PNPLA4: variants seen among roughly 807,000 people sequenced by gnomAD.
PNPLA4 encodes the protein patatin like domain 4, phospholipase and triacylglycerol lipase.
A neutral mutation model predicts 18.3 loss-of-function variants in PNPLA4; 15 were observed. That is an observed-to-expected ratio of 0.82 (90% CI 0.55 to 1.26). PNPLA4 has a LOEUF of 1.26. Among genes scored for constraint, PNPLA4 ranks in the 50% most tolerant of loss-of-function variants. PNPLA4 has a pLI of 0.00. For synonymous variants in PNPLA4, 88 were observed against 85.6 expected, an observed-to-expected ratio of 1.03 and a Z score of -0.16; for missense variants, 229 against 196.8, an observed-to-expected ratio of 1.16 and a Z score of -0.98.
intron 4 of PNPLA4, 23 bp from the exon 5 acceptor site, chrX:7,912,116 C>T (rs765587524): frequency 8.8e-7 from 1 of 1,131,549 alleles, no homozygotes; most frequent in East Asian, 3.0e-5. Context: ...AATAAAGAAG[C>T]AGCTCATGAT....
chrX:7,902,297 C>A (rs1212338806), intron 5 of PNPLA4, among the ~76,000 whole-genome samples, 156 bp from the exon 6 acceptor site: 1 of 112,040 alleles, frequency 8.9e-6, no homozygotes, highest in Admixed American at 9.5e-5. Flanking sequence ...TAAAACAAAT[C>A]TTGGTACACA....
intron 1 of PNPLA4, among the ~76,000 whole-genome samples, chrX:7,926,794 C>A (rs894029025): frequency 3.6e-5 from 4 of 112,545 alleles, no homozygotes; most frequent in Admixed American, 9.4e-5. Flanking sequence ...CCACTTTATA[C>A]TTGGAACACA....
chrX:7,906,302 G>T (rs187650034), intron 5 of PNPLA4, among the ~76,000 whole-genome samples: 1 of 111,608 alleles, frequency 9.0e-6, no homozygotes, highest in African/African-American at 3.3e-5. Context: ...AGACAGATGA[G>T]ATTTTTTAAT....
chrX:7,920,867 A>G (rs1472131131), intron 4 of PNPLA4, among the ~76,000 whole-genome samples: 1 of 112,802 alleles, frequency 8.9e-6, no homozygotes, highest in Non-Finnish European at 1.9e-5. Flanking sequence ...ATTAGATTGA[A>G]AAGTTAGGAG....
chrX:7,903,714 A>G (rs1415678997), intron 5 of PNPLA4, among the ~76,000 whole-genome samples: 1 of 112,159 alleles, frequency 8.9e-6, no homozygotes, highest in Non-Finnish European at 1.9e-5. Context: ...TAAAAGATAA[A>G]AATGGGTTGA....
intron 5 of PNPLA4, among the ~76,000 whole-genome samples, chrX:7,906,271 T>C (rs1923702048): frequency 9.0e-6 from 1 of 111,715 alleles, no homozygotes; most frequent in Admixed American, 9.5e-5. Flanking sequence ...GTGAGAATCT[T>C]CCAATTACGG....
At chrX:7,917,298 T>C (rs1280666043) in intron 4 of PNPLA4, among the ~76,000 whole-genome samples, 2 of 112,337 alleles carry the variant, frequency 1.8e-5, no homozygotes, top group Non-Finnish European at 3.8e-5. Flanking sequence ...AATGATGAGC[T>C]GTAAAATCAG....
chrX:7,907,166 C>G (rs1179160), intron 5 of PNPLA4, among the ~76,000 whole-genome samples: 1 of 109,547 alleles, frequency 9.1e-6, no homozygotes, highest in Non-Finnish European at 1.9e-5. Context: ...TACAGGCATG[C>G]GCCACCATGC....
At position 7,903,560 on chromosome X, in the gene PNPLA4, A is replaced by C. The variant is rs553660731; in HGVS notation, c.478-1419T>G. Among the ~76,000 whole-genome samples the C allele has an allele frequency of 7.2e-5, 8 of 111,382 alleles. No individual in the cohort carries two copies. In the South Asian group the frequency reaches 3.0e-3, roughly 42 times the overall value. Reference sequence around the variant, plus strand: ...GTGATCTGCCCGCCTCGGCCTCCCAAAGTGCTGGGATTACAGGCATGAGTC... The same window carrying C: ...GTGATCTGCCCGCCTCGGCCTCCCACAGTGCTGGGATTACAGGCATGAGTC... On this transcript the variant is annotated intron_variant, in intron 5 of 6. Transcript: ENST00000381042.
Position 7,926,023 on chromosome X carries a change from C to G in PNPLA4, c.97G>C (p.Val33Leu). The G allele has an allele frequency of 3.3e-6, 4 of 1,211,873 alleles. No homozygotes were observed. The highest frequency in any genetic ancestry group is 4.5e-6 in the Non-Finnish European group (4 of 895,278). The change falls in exon 2 of 7, where the codon GTG (valine) becomes CTG (leucine). Residue 33 changes from valine (V) to leucine (L), a missense_variant. Transcript: ENST00000381042. ...SALCRHGKKL[V>L]KDVKAFAGAS... ...CCAGCGAAGGCTTTGACATCCTTCA[C>G]AAGTTTTTTGCCATGTCTGCAAAGT...
intron 4 of PNPLA4, among the ~76,000 whole-genome samples, chrX:7,915,724 A>C (rs2240585): frequency 0.028 from 3,087 of 112,173 alleles, 92 homozygotes; most frequent in Admixed American, 0.11. Flanking sequence ...TTAGGGATTA[A>C]ATTCTCAGCA....
chrX:7,922,192 A>C, intron 2 of PNPLA4, 94 bp from the exon 3 acceptor site: 7 of 607,327 alleles, frequency 1.2e-5, no homozygotes, highest in Non-Finnish European at 1.9e-5. Flanking sequence ...CCAACAGCAA[A>C]TGTAGGGTGT....
intron 5 of PNPLA4, among the ~76,000 whole-genome samples, chrX:7,905,308 C>T (rs995433886): frequency 1.8e-5 from 2 of 112,588 alleles, no homozygotes; most frequent in South Asian, 7.3e-4. Flanking sequence ...TCGCTTTAGA[C>T]ATTCATGTGT....
intron 5 of PNPLA4, among the ~76,000 whole-genome samples, chrX:7,903,272 GTGTTTATT>G (rs1569103214): frequency 1.2e-5 from 1 of 80,499 alleles, no homozygotes; most frequent in Non-Finnish European, 2.4e-5. Context: ...TGTCCTTCTT[GTGTTTATT>G]TATTTATTTA....
At position 7,921,841 on chromosome X, in the gene PNPLA4, T is replaced by A; in HGVS notation, c.283A>T (p.Met95Leu). The A allele has an allele frequency of 3.3e-6, 4 of 1,208,003 alleles. No homozygotes were observed. The highest frequency in any genetic ancestry group is 3.4e-6 in the Non-Finnish European group (3 of 892,772). The change falls in exon 4 of 7, where the codon ATG (methionine) becomes TTG (leucine). Residue 95 changes from methionine (M) to leucine (L), a missense_variant. Transcript: ENST00000381042. ...GCGCTGGGAGGAAGAATCGACTCCA[T>A]CCCACTTCTAAAGAAGAAAAAGCAA... is the stretch of plus-strand genomic sequence containing the variant. ...YDFMARLRSG[M>L]ESILPPSAHE...
At position 7,915,996 on chromosome X, in the gene PNPLA4, C is replaced by T. The variant is rs757266531; in HGVS notation, c.412-3903G>A. On this transcript the variant is annotated intron_variant, in intron 4 of 6. Transcript: ENST00000381042. ...GAGACAGGGCAGAATTTTCTCAAGACGGCCAGGGACACTATGGTGCAGGAA... is the reference window on the plus strand; with the variant it reads ...GAGACAGGGCAGAATTTTCTCAAGATGGCCAGGGACACTATGGTGCAGGAA... 3.6e-5 allele frequency among the ~76,000 whole-genome samples: 4 copies of T among 111,702 alleles called. No homozygotes were observed. The South Asian group carries it at 1.1e-3, about 32-fold the overall frequency.
chrX:7,902,762 GA>G (rs372431935), intron 5 of PNPLA4, among the ~76,000 whole-genome samples: 1 of 111,771 alleles, frequency 8.9e-6, no homozygotes, highest in African/African-American at 3.3e-5. Flanking sequence ...GAAAATGAAA[GA>G]GTCTTGGGGC....
intron 4 of PNPLA4, among the ~76,000 whole-genome samples, chrX:7,920,909 C>A (rs369182781): frequency 8.9e-6 from 1 of 112,653 alleles, no homozygotes; most frequent in Non-Finnish European, 1.9e-5. Flanking sequence ...CCCACTGCCA[C>A]GCAGGATAAT....
chrX:7,919,050 C>A (rs963745716), intron 4 of PNPLA4, among the ~76,000 whole-genome samples: 1 of 112,408 alleles, frequency 8.9e-6, no homozygotes, highest in Non-Finnish European at 1.9e-5. Flanking sequence ...GAATAAATGT[C>A]AATTATTCCA....
Sources: gnomAD v4.1 joint callset for allele counts (sites outside exome capture counted in the v4.1 genomes callset) on GRCh38, gnomAD v4.1.1 for gene constraint, MANE v1.5 for transcripts, NCBI Gene and HGNC (gene_info 2026-07-23, HGNC 2026-07-21) for gene names.